The following KATNAL2 variants were observed in gnomAD, a reference collection of about 807,000 sequenced individuals.
KATNAL2 encodes the protein katanin catalytic subunit A1 like 2.
A neutral mutation model predicts 76.3 loss-of-function variants in KATNAL2; 52 were observed. The ratio of observed to expected loss-of-function variants is 0.68; its 90% CI spans 0.55 to 0.86. The LOEUF (loss-of-function observed/expected upper bound fraction) is 0.86. Among genes scored for constraint, KATNAL2 ranks in the 40% least tolerant of loss-of-function variants. The pLI, the probability that KATNAL2 is intolerant of heterozygous loss-of-function variation, is 0.00. For missense variants in KATNAL2, 660 were observed against 668.9 expected, an observed-to-expected ratio of 0.99 and a Z score of 0.15; for synonymous variants, 243 against 244.2, an observed-to-expected ratio of 1.00 and a Z score of 0.05.
At chr18:46,932,416 T>G (rs932437559) in intron 1 of KATNAL2, among the ~76,000 whole-genome samples, 1 of 152,040 alleles carries the variant, frequency 6.6e-6, no homozygotes, top group Non-Finnish European at 1.5e-5. Flanking sequence ...GGCTCACACC[T>G]GTAATTCCAG....
chr18:47,043,890 T>C (rs2061060081), intron 3 of KATNAL2, among the ~76,000 whole-genome samples: 1 of 152,186 alleles, frequency 6.6e-6, no homozygotes, highest in Non-Finnish European at 1.5e-5. Context: ...GAACAACTTT[T>C]ATATGGTCCT....
At chr18:47,033,710 T>C (rs1215210571) in intron 3 of KATNAL2, 9 of 1,614,196 alleles carry the variant, frequency 5.6e-6, no homozygotes, top group Non-Finnish European at 6.8e-6. Flanking sequence ...CAGGCAGGCC[T>C]GGAGCCCGAG....
At chr18:47,078,841 A>C (rs917107448) in intron 15 of KATNAL2, among the ~76,000 whole-genome samples, 5 of 152,202 alleles carry the variant, frequency 3.3e-5, no homozygotes, top group Non-Finnish European at 7.3e-5. Context: ...AACGCATAAA[A>C]ATTGAATAAG....
At chr18:47,057,159 A>G (rs938542996) in intron 6 of KATNAL2, among the ~76,000 whole-genome samples, 2 of 152,208 alleles carry the variant, frequency 1.3e-5, no homozygotes, top group Admixed American at 1.3e-4. Flanking sequence ...AACATTTATT[A>G]TCCCCATAAA....
intron 4 of KATNAL2, among the ~76,000 whole-genome samples, chr18:47,051,927 A>T (rs1024043974): frequency 6.6e-6 from 1 of 152,198 alleles, no homozygotes; most frequent in Non-Finnish European, 1.5e-5. Context: ...AGAGAAGAGG[A>T]GGGCTACTAA....
intron 3 of KATNAL2, among the ~76,000 whole-genome samples, chr18:46,947,606 A>G (rs777275064): frequency 4.2e-4 from 64 of 152,170 alleles, no homozygotes; most frequent in Non-Finnish European, 7.2e-4. Flanking sequence ...AAATAAAAAT[A>G]AAGTTAAAAA....
intron 5 of KATNAL2, among the ~76,000 whole-genome samples, chr18:47,053,793 A>G (rs1293799805): frequency 6.6e-6 from 1 of 152,178 alleles, no homozygotes; most frequent in Non-Finnish European, 1.5e-5. Context: ...ATTTTATCTG[A>G]GCTCCCTTCC....
intron 6 of KATNAL2, among the ~76,000 whole-genome samples, chr18:47,055,689 T>C (rs967618403): frequency 2.0e-5 from 3 of 152,256 alleles, no homozygotes; most frequent in Non-Finnish European, 4.4e-5. Flanking sequence ...TGATAACTGC[T>C]TGTGCATAGA....
Position 47,063,280 on chromosome 18 carries a change from T to C in KATNAL2, c.649-4T>C. On this transcript the variant is annotated splice_region_variant and splice_polypyrimidine_tract_variant and intron_variant, in intron 9 of 17. Transcript: ENST00000683218. ...AATGTGAGCCTTTCCGCTCCTCTCATCAGGAACGACTGCTGAAACCTCTGA... is the reference window on the plus strand; with the variant it reads ...AATGTGAGCCTTTCCGCTCCTCTCACCAGGAACGACTGCTGAAACCTCTGA... 6.2e-7 allele frequency: 1 copy of C among 1,612,998 alleles called. No homozygotes were observed. Among genetic ancestry groups the C allele is most frequent in the Non-Finnish European group, 8.5e-7 (1 of 1,179,460 alleles).
chr18:46,957,579 T>TC (rs2059801733), intron 3 of KATNAL2, among the ~76,000 whole-genome samples: 1 of 82,738 alleles, frequency 1.2e-5, no homozygotes, highest in Non-Finnish European at 2.4e-5. Context: ...TTTTTTTTTT[T>TC]GAGACAGAGT....
At chr18:47,046,878 C>T (rs747364289) in intron 4 of KATNAL2, among the ~76,000 whole-genome samples, 2 of 152,168 alleles carry the variant, frequency 1.3e-5, no homozygotes, top group Non-Finnish European at 2.9e-5. Flanking sequence ...AAAATCATTT[C>T]GCTGCCCTAA....
rs186561840 is a variant in KATNAL2, at chr18:46,942,679, T to C, written c.-509-3378T>C. On this transcript the variant is annotated intron_variant, in intron 1 of 17. Coordinates refer to ENST00000683218, the MANE Select transcript of KATNAL2 (RefSeq NM_001387690.1). ...ATTATAATATCTTCTATCTGTCTCC[T>C]CATTATGCTCATAGTTTTCCTTTCT... Among the ~76,000 whole-genome samples, 337 of 152,308 alleles carry C rather than the reference T, an allele frequency of 2.2e-3. 2 individuals carry two copies. Among genetic ancestry groups the C allele is most frequent in the Non-Finnish European group, 2.0e-3 (133 of 68,018 alleles).
intron 3 of KATNAL2, chr18:47,035,366 G>T (rs2060722643): frequency 3.8e-6 from 6 of 1,571,076 alleles, no homozygotes; most frequent in Middle Eastern, 4.7e-4. Flanking sequence ...CTGCCCGGTC[G>T]CCAGGCAGCG....
intron 15 of KATNAL2, among the ~76,000 whole-genome samples, chr18:47,087,827 A>T (rs2062840559): frequency 6.6e-6 from 1 of 152,092 alleles, no homozygotes; most frequent in African/African-American, 2.4e-5. Flanking sequence ...TCCTGTAGAT[A>T]CAAGTGATAT....
chr18:46,951,935 G>T (rs987528736), intron 3 of KATNAL2, among the ~76,000 whole-genome samples: 1 of 151,954 alleles, frequency 6.6e-6, no homozygotes, highest in Non-Finnish European at 1.5e-5. Flanking sequence ...CACCATGCCC[G>T]GCTAACTTTC....
chr18:46,943,878 G>C (rs767531742), intron 1 of KATNAL2, among the ~76,000 whole-genome samples: 12 of 152,144 alleles, frequency 7.9e-5, no homozygotes, highest in Non-Finnish European at 1.5e-4. Flanking sequence ...CTCTATTTTT[G>C]TTCCTTCTTC....
chr18:47,080,290 AT>A (rs757847838), intron 15 of KATNAL2, among the ~76,000 whole-genome samples: 121 of 151,922 alleles, frequency 8.0e-4, no homozygotes, highest in African/African-American at 2.7e-3. Context: ...CATTAGTTTC[AT>A]TTTTTCCCCC....
At chr18:46,945,246 A>G (rs1352217365) in intron 1 of KATNAL2, among the ~76,000 whole-genome samples, 2 of 152,260 alleles carry the variant, frequency 1.3e-5, no homozygotes, top group Non-Finnish European at 2.9e-5. Flanking sequence ...TATGTCAACA[A>G]AACAATGTGA....
intron 15 of KATNAL2, 27 bp from the exon 16 acceptor site, chr18:47,099,216 C>T: frequency 6.3e-7 from 1 of 1,592,326 alleles, no homozygotes. Context: ...GCAGCCCTGT[C>T]CAGCTCCATT....
Sources: allele counts gnomAD v4.1 joint callset (sites outside exome capture counted in the v4.1 genomes callset), GRCh38; gene constraint gnomAD v4.1.1; transcripts MANE v1.5; gene names NCBI Gene and HGNC (gene_info 2026-07-23, HGNC 2026-07-21).